The following SPRY3 variants were observed in gnomAD, a reference collection of about 807,000 sequenced individuals.
SPRY3 encodes the protein sprouty RTK signaling antagonist 3.
A neutral mutation model predicts 20.2 loss-of-function variants in SPRY3; 15 were observed. The ratio of observed to expected loss-of-function variants is 0.74; its 90% confidence interval spans 0.50 to 1.14. The LOEUF (loss-of-function observed/expected upper bound fraction) is 1.14. Ranked by LOEUF, SPRY3 falls within the 50% of genes most tolerant of loss-of-function variation. SPRY3 has a pLI of 0.00. For synonymous variants in SPRY3, 143 were observed against 136.5 expected (o/e 1.05, Z -0.33); for missense variants, 364 against 363.9 (o/e 1.00, Z 0.00).
chrX:155,760,855 C>T (rs1449218408), intron 2 of SPRY3, among the ~76,000 whole-genome samples: 2 of 152,022 alleles, frequency 1.3e-5, no homozygotes, highest in Admixed American at 6.6e-5. Context: ...CCTAACAGGC[C>T]GCCGACCCCT....
intron 2 of SPRY3, among the ~76,000 whole-genome samples, chrX:155,725,026 G>A (rs751386879): frequency 1.4e-4 from 21 of 152,264 alleles, no homozygotes; most frequent in Non-Finnish European, 2.1e-4. Context: ...TTTTTAGCAT[G>A]AAGGGCTGTT....
At chrX:155,771,464 G>C (rs913645629) in intron 3 of SPRY3, among the ~76,000 whole-genome samples, 1 of 152,026 alleles carries the variant, frequency 6.6e-6, no homozygotes, top group African/African-American at 2.4e-5. Context: ...AATATGTTTT[G>C]AATCTAGTTT....
chrX:155,677,157 A>G (rs1164688767), intron 2 of SPRY3, among the ~76,000 whole-genome samples: 1 of 112,130 alleles, frequency 8.9e-6, no homozygotes, highest in Non-Finnish European at 1.9e-5. Context: ...CCATAAATAA[A>G]GTTATCAGTA....
intron 2 of SPRY3, among the ~76,000 whole-genome samples, chrX:155,740,111 A>C (rs2091196015): frequency 6.6e-6 from 1 of 152,182 alleles, no homozygotes; most frequent in African/African-American, 2.4e-5. Context: ...GACATATATC[A>C]GTTCCCAAAA....
intron 2 of SPRY3, among the ~76,000 whole-genome samples, chrX:155,714,525 T>A (rs2091008164): frequency 6.6e-6 from 1 of 152,148 alleles, no homozygotes. Flanking sequence ...ATGGCATCTC[T>A]TTTTCTCTGT....
intron 2 of SPRY3, among the ~76,000 whole-genome samples, chrX:155,751,798 T>C (rs887865108): frequency 2.0e-5 from 3 of 151,450 alleles, no homozygotes; most frequent in Non-Finnish European, 3.0e-5. Context: ...TTGGACATAG[T>C]GATTCTGCCA....
downstream of SPRY3, chrX:155,780,485 A>C: frequency 6.0e-6 from 1 of 167,148 alleles, no homozygotes; most frequent in South Asian, 2.1e-4. Flanking sequence ...AAGAAACTGC[A>C]AGGAAAGGGA....
chrX:155,699,445 C>T (rs1325065872), intron 2 of SPRY3, among the ~76,000 whole-genome samples: 4 of 111,766 alleles, frequency 3.6e-5, no homozygotes, highest in South Asian at 7.6e-4. Flanking sequence ...TCACCTTGCA[C>T]GGTCCTCCAT....
At chrX:155,711,699 G>A (rs1419186202) in intron 2 of SPRY3, among the ~76,000 whole-genome samples, 3 of 134,906 alleles carry the variant, frequency 2.2e-5, no homozygotes, top group Non-Finnish European at 4.8e-5. Flanking sequence ...TTTTTTTTTT[G>A]CTATTTATTT....
At chrX:155,653,776 T>C (rs2067984192) in intron 1 of SPRY3, among the ~76,000 whole-genome samples, 1 of 112,083 alleles carries the variant, frequency 8.9e-6, no homozygotes, top group Admixed American at 9.5e-5. Context: ...GTCATTTCCA[T>C]ATCTATAGAA....
chrX:155,737,909 G>A (rs1381447928), intron 2 of SPRY3, among the ~76,000 whole-genome samples: 1 of 152,016 alleles, frequency 6.6e-6, no homozygotes, highest in Non-Finnish European at 1.5e-5. Flanking sequence ...GAATATAAGA[G>A]TGTATTTAAC....
chrX:155,708,906 T>C (rs1472601733), intron 2 of SPRY3, among the ~76,000 whole-genome samples: 1 of 151,424 alleles, frequency 6.6e-6, no homozygotes, highest in Non-Finnish European at 1.5e-5. Context: ...ACGACTACAA[T>C]TTGAGGCTCT....
intron 2 of SPRY3, among the ~76,000 whole-genome samples, chrX:155,675,866 C>G (rs1248433468): frequency 9.0e-6 from 1 of 111,217 alleles, no homozygotes; most frequent in Non-Finnish European, 1.9e-5. Context: ...GATCCTTTGT[C>G]GTATCAAAAA....
chrX:155,770,723 T>C (rs1002154688), intron 3 of SPRY3, among the ~76,000 whole-genome samples: 1 of 152,106 alleles, frequency 6.6e-6, no homozygotes, highest in Non-Finnish European at 1.5e-5. Flanking sequence ...AATGAATGGC[T>C]CTTTAGTGGG....
chrX:155,722,356 A>G (rs1474886322), intron 2 of SPRY3, among the ~76,000 whole-genome samples: 1 of 152,084 alleles, frequency 6.6e-6, no homozygotes, highest in Non-Finnish European at 1.5e-5. Context: ...CCCCATCTCT[A>G]CTAAAAATAG....
chrX:155,675,332 G>A (rs1214117048), intron 2 of SPRY3, among the ~76,000 whole-genome samples: 1 of 111,465 alleles, frequency 9.0e-6, no homozygotes, highest in Non-Finnish European at 1.9e-5. Flanking sequence ...GAGGGGAAAG[G>A]CTCCAAGGGA....
At position 155,754,810 on chromosome X, in the gene SPRY3, G is replaced by T. The variant is rs539348858; in HGVS notation, c.-281-13152G>T. Among the ~76,000 whole-genome samples the T allele has an allele frequency of 7.3e-4, 111 of 151,780 alleles. 3 individuals are homozygous for T. In the South Asian group the frequency reaches 0.023, roughly 31 times the overall value. On this transcript the variant is annotated intron_variant, in intron 2 of 3. Coordinates refer to ENST00000675360, the Ensembl canonical transcript of SPRY3. ...TTCAGTGTATGTCTTGTATTTTTTT[G>T]TTAAATGTATTCTTATTTTATTCTT...
At chrX:155,720,722 A>T (rs1388637643) in intron 2 of SPRY3, among the ~76,000 whole-genome samples, 1 of 152,192 alleles carries the variant, frequency 6.6e-6, no homozygotes, top group Non-Finnish European at 1.5e-5. Flanking sequence ...AGTCTGCAAG[A>T]ACCACAGTGT....
At chrX:155,638,297 T>C (rs1313195823) in intron 1 of SPRY3, among the ~76,000 whole-genome samples, 1 of 15 alleles carries the variant, frequency 0.067, no homozygotes, top group African/African-American at 0.2. Context: ...TCCTCTAATA[T>C]ATATATATAT....
Sources: allele counts gnomAD v4.1 joint callset (sites outside exome capture counted in the v4.1 genomes callset), GRCh38; gene constraint gnomAD v4.1.1; transcripts MANE v1.5; gene names NCBI Gene and HGNC (gene_info 2026-07-23, HGNC 2026-07-21).